The following TBC1D5 variants were observed in gnomAD, a reference collection of about 807,000 sequenced individuals.
TBC1D5 encodes TBC1 domain family member 5.
TBC1D5 carries 75 observed loss-of-function variants against 100.3 expected under a neutral mutation model. That is an observed-to-expected ratio of 0.75 (90% confidence interval 0.62 to 0.91). The LOEUF is 0.91. TBC1D5 is among the 40% of genes least tolerant of loss of function. The pLI, the probability that TBC1D5 is intolerant of heterozygous loss-of-function variation, is 0.00. For synonymous variants in TBC1D5, 323 were observed against 325.6 expected (o/e 0.99, Z 0.09); for missense variants, 910 against 942.4 (o/e 0.97, Z 0.45).
At chr3:17,310,242 T>C (rs1327951979) in intron 13 of TBC1D5, among the ~76,000 whole-genome samples, 3 of 151,794 alleles carry the variant, frequency 2.0e-5, no homozygotes, top group African/African-American at 4.8e-5. Context: ...GTCAGGAAGG[T>C]TAACTGCAAA....
rs550317748 is a variant in TBC1D5 at position 17,539,252 on chromosome 3, A to C, written c.-35-30647T>G. On this transcript the variant is annotated intron_variant, in intron 2 of 21. Transcript: ENST00000253692. ...TGTCTGGGTTAAGATAAGGGGTTGT[A>C]GAGACCATGGTTCTTATTATGCAGA... 3.3e-4 allele frequency among the ~76,000 whole-genome samples: 50 copies of C among 152,310 alleles called. No individual in the cohort carries two copies. The South Asian group carries it at 8.5e-3, about 26-fold the overall frequency.
chr3:17,284,502 T>C (rs929762743), intron 15 of TBC1D5, among the ~76,000 whole-genome samples: 1 of 152,242 alleles, frequency 6.6e-6, no homozygotes, highest in Non-Finnish European at 1.5e-5. Context: ...GAGCCATATG[T>C]ATTTTTTTTA....
chr3:17,739,055 G>A (rs1478854799), intron 1 of TBC1D5, among the ~76,000 whole-genome samples: 2 of 152,084 alleles, frequency 1.3e-5, no homozygotes, highest in Non-Finnish European at 2.9e-5. Flanking sequence ...GCAGCCCACA[G>A]GCCCTCTCCG....
chr3:17,538,245 A>G (rs1235572636), intron 2 of TBC1D5, among the ~76,000 whole-genome samples: 1 of 152,250 alleles, frequency 6.6e-6, no homozygotes, highest in East Asian at 1.9e-4. Flanking sequence ...AGCCAGCGCC[A>G]GGAAAAGATA....
At position 17,273,778 on chromosome 3, in the gene TBC1D5, G is replaced by A. The variant is rs1200647463; in HGVS notation, c.1246-15187C>T. On this transcript the variant is annotated intron_variant, in intron 15 of 21. Coordinates refer to ENST00000253692, the Ensembl canonical transcript of TBC1D5. ...GCTGAGATCGCGCCACTGCACTCTA[G>A]CCTGGATGACAAGAGCAAAACTCTG... Among the ~76,000 whole-genome samples the A allele has an allele frequency of 6.9e-5, 10 of 144,846 alleles. No individual in the cohort carries two copies. In the Admixed American group the frequency reaches 7.1e-4, roughly 10 times the overall value.
At chr3:17,191,457 G>C (rs1432361459) in intron 18 of TBC1D5, among the ~76,000 whole-genome samples, 1 of 152,158 alleles carries the variant, frequency 6.6e-6, no homozygotes, top group African/African-American at 2.4e-5. Flanking sequence ...AAAGGATTAT[G>C]AATGCATGCA....
At chr3:17,179,396 G>T (rs2068185177) in intron 19 of TBC1D5, among the ~76,000 whole-genome samples, 1 of 152,140 alleles carries the variant, frequency 6.6e-6, no homozygotes, top group South Asian at 2.1e-4. Flanking sequence ...AAGTTCTTAT[G>T]GAGGCAAATA....
chr3:17,336,704 A>T (rs2087872582), intron 13 of TBC1D5, among the ~76,000 whole-genome samples: 1 of 149,230 alleles, frequency 6.7e-6, no homozygotes, highest in Non-Finnish European at 1.5e-5. Flanking sequence ...TAAATGTAGC[A>T]TCACTGAAAA....
intron 2 of TBC1D5, among the ~76,000 whole-genome samples, chr3:17,532,309 T>A (rs2096237479): frequency 6.6e-6 from 1 of 152,126 alleles, no homozygotes; most frequent in African/African-American, 2.4e-5. Flanking sequence ...CCAGTTAGAA[T>A]GGAGATCATT....
intron 15 of TBC1D5, among the ~76,000 whole-genome samples, chr3:17,278,595 T>C (rs1360956407): frequency 6.6e-6 from 1 of 152,240 alleles, no homozygotes; most frequent in Non-Finnish European, 1.5e-5. Context: ...TGAAAACCTC[T>C]GTTACATGCT....
intron 1 of TBC1D5, among the ~76,000 whole-genome samples, chr3:17,662,795 GT>G (rs888810796): frequency 2.0e-5 from 3 of 151,506 alleles, no homozygotes; most frequent in East Asian, 1.9e-4. Context: ...AATTTAGTGA[GT>G]TTTTTTTTAA....
intron 17 of TBC1D5, among the ~76,000 whole-genome samples, chr3:17,235,905 G>T (rs868351377): frequency 3.0e-4 from 43 of 142,496 alleles, no homozygotes; most frequent in Non-Finnish European, 5.4e-4. Flanking sequence ...ACAAATTTTT[G>T]TTTTTTTTTT....
chr3:17,627,553 G>C (rs1315463665), intron 1 of TBC1D5, among the ~76,000 whole-genome samples: 1 of 151,976 alleles, frequency 6.6e-6, no homozygotes, highest in African/African-American at 2.4e-5. Flanking sequence ...CAAAAAAGGA[G>C]AACACAGGCC....
At chr3:17,699,617 G>T (rs2072818570) in intron 1 of TBC1D5, among the ~76,000 whole-genome samples, 1 of 144,296 alleles carries the variant, frequency 6.9e-6, no homozygotes, top group African/African-American at 2.5e-5. Context: ...ATCTGATACA[G>T]ATTTATTCTC....
chr3:17,382,951 TATTTTTC>T (rs528503213), intron 9 of TBC1D5, among the ~76,000 whole-genome samples: 289 of 152,168 alleles, frequency 1.9e-3, no homozygotes, highest in African/African-American at 6.7e-3. Flanking sequence ...AAATGCAATA[TATTTTTC>T]ATTTCCAATT....
At chr3:17,339,429 G>C (rs550183099) in intron 13 of TBC1D5, among the ~76,000 whole-genome samples, 39 of 152,216 alleles carry the variant, frequency 2.6e-4, no homozygotes, top group African/African-American at 8.7e-4. Context: ...CGTGGCATCC[G>C]GTCTGACTGG....
At chr3:17,605,727 A>G (rs1183449860) in intron 2 of TBC1D5, among the ~76,000 whole-genome samples, 2 of 152,206 alleles carry the variant, frequency 1.3e-5, no homozygotes, top group Admixed American at 6.5e-5. Context: ...ATTAACACAT[A>G]TATATTAACA....
chr3:17,705,817 A>G (rs1306358717), intron 1 of TBC1D5, among the ~76,000 whole-genome samples: 7 of 146,524 alleles, frequency 4.8e-5, no homozygotes, highest in African/African-American at 1.0e-4. Flanking sequence ...GCGGCCAGGC[A>G]GAGACACTCC....
At chr3:17,497,390 T>C (rs2095726429) in intron 3 of TBC1D5, among the ~76,000 whole-genome samples, 1 of 152,260 alleles carries the variant, frequency 6.6e-6, no homozygotes, top group African/African-American at 2.4e-5. Context: ...GTCTACTTTT[T>C]CAATATTCTA....
Sources: gnomAD v4.1 joint callset for allele counts (sites outside exome capture counted in the v4.1 genomes callset) on GRCh38, gnomAD v4.1.1 for gene constraint, MANE v1.5 for transcripts, NCBI Gene and HGNC (gene_info 2026-07-23, HGNC 2026-07-21) for gene names.